The following CELF5 variants were observed in gnomAD, a reference collection of about 807,000 sequenced individuals.
CELF5 encodes the protein CUGBP Elav-like family member 5.
Under a neutral mutation model 54.9 loss-of-function variants are expected in CELF5, and 6 were observed. The ratio of observed to expected loss-of-function variants is 0.11; its 90% CI spans 0.06 to 0.22. The LOEUF is 0.22. Ranked by LOEUF, CELF5 falls within the 10% of genes least tolerant of loss-of-function variation. The pLI, the probability that CELF5 is intolerant of heterozygous loss-of-function variation, is 1.00. For synonymous variants in CELF5, 271 were observed against 290.9 expected (o/e 0.93, Z 0.70); for missense variants, 401 against 678.6 (o/e 0.59, Z 4.54).
chr19:3,293,564 T>A, intron 12 of CELF5, 78 bp downstream of exon 12: 1 of 1,208,796 alleles, frequency 8.3e-7, no homozygotes, highest in Non-Finnish European at 1.1e-6. Context: ...CACTTCATGC[T>A]CCAAACCCTC....
chr19:3,296,058 A>AC (rs2080437149), intron 12 of CELF5: 1 of 147,612 alleles, frequency 6.8e-6, no homozygotes, highest in Non-Finnish European at 1.5e-5. Flanking sequence ...CTCTACAGAG[A>AC]TTTTTTTTTT....
chr19:3,266,867 C>T (rs2079889577), intron 2 of CELF5, among the ~76,000 whole-genome samples: 1 of 152,208 alleles, frequency 6.6e-6, no homozygotes, highest in South Asian at 2.1e-4. Context: ...CTCATCTGAG[C>T]TCCTGCTGAC....
At chr19:3,284,753 G>T in intron 8 of CELF5, 149 bp from the exon 9 acceptor site, 1 of 678,482 alleles carries the variant, frequency 1.5e-6, no homozygotes, top group South Asian at 1.8e-5. Flanking sequence ...CACCTTCCTC[G>T]GCCTCAGCTT....
At chr19:3,273,810 AC>A (rs143017435) in intron 2 of CELF5, 61 bp from the exon 3 acceptor site, 81 of 1,190,014 alleles carry the variant, frequency 6.8e-5, no homozygotes, top group Non-Finnish European at 9.2e-5. Context: ...CTCAGGCAAA[AC>A]CCCCCGCCTG....
chr19:3,272,687 G>C (rs2079986639), intron 2 of CELF5, among the ~76,000 whole-genome samples: 1 of 152,212 alleles, frequency 6.6e-6, no homozygotes, highest in Non-Finnish European at 1.5e-5. Flanking sequence ...TGTCTGGAGA[G>C]AGACAGAGCA....
chr19:3,228,994 G>A lies in CELF5; in HGVS notation c.259+3996G>A, dbSNP rs8182494. Among the ~76,000 whole-genome samples the A allele has an allele frequency of 6.6e-6, 1 of 151,342 alleles. No homozygotes were observed. The highest frequency in any genetic ancestry group is 6.6e-5 in the Admixed American group (1 of 15,190). On this transcript the variant is annotated intron_variant, in intron 1 of 12. Coordinates refer to ENST00000292672, the MANE Select transcript of CELF5 (RefSeq NM_021938.4). The surrounding 1 kb of genome is among the most constrained non-coding windows in gnomAD (Gnocchi z 6.0). Reference sequence around the variant, plus strand: ...CTGAGCGCGCCCCTCTCTGTGCCTCGTTTTCCCCTGCTGCATATTCTCTCC... The same window carrying A: ...CTGAGCGCGCCCCTCTCTGTGCCTCATTTTCCCCTGCTGCATATTCTCTCC...
At chr19:3,235,129 G>A (rs1917471867) in intron 1 of CELF5, among the ~76,000 whole-genome samples, 1 of 152,138 alleles carries the variant, frequency 6.6e-6, no homozygotes, top group Non-Finnish European at 1.5e-5. Flanking sequence ...AACAGGCAAG[G>A]CGTGGTCCTA....
intron 1 of CELF5, 92 bp from the exon 2 acceptor site, chr19:3,250,888 CTTGGG>C: frequency 1.8e-6 from 1 of 567,382 alleles, no homozygotes; most frequent in South Asian, 3.3e-5. Flanking sequence ...TGGATGGAAG[CTTGGG>C]TTGCTTCCAC....
At chr19:3,236,427 A>G (rs1476665739) in intron 1 of CELF5, among the ~76,000 whole-genome samples, 1 of 152,180 alleles carries the variant, frequency 6.6e-6, no homozygotes, top group Admixed American at 6.5e-5. Context: ...CACAGCAGAA[A>G]GGTACTGAGC....
intron 8 of CELF5, among the ~76,000 whole-genome samples, chr19:3,283,881 G>C (rs2080191259): frequency 6.6e-6 from 1 of 151,956 alleles, no homozygotes; most frequent in Admixed American, 6.6e-5. Flanking sequence ...GGAGTGCAGT[G>C]GCGTGATCAT....
chr19:3,251,652 C>CCTTTTTT (rs1325713330), intron 2 of CELF5, among the ~76,000 whole-genome samples: 1 of 67,110 alleles, frequency 1.5e-5, no homozygotes, highest in African/African-American at 4.4e-5. Context: ...ACAAGGGCTT[C>CCTTTTTT]TTTTTTTTTT....
intron 2 of CELF5, among the ~76,000 whole-genome samples, chr19:3,258,416 C>A (rs1051096348): frequency 2.7e-5 from 4 of 150,590 alleles, no homozygotes; most frequent in Admixed American, 6.6e-5. Flanking sequence ...GCCACTGCGC[C>A]CGGCCTGTGT....
Position 3,278,189 on chromosome 19 carries a change from C to T in CELF5, c.603+79C>T. ...GGACAGGGATGAAACAGGCCATATT[C>T]CTACCGTCGCTGTCATCCGGTAGCC... On this transcript the variant is annotated intron_variant, in intron 5 of 12. Transcript: ENST00000292672. This position sits in a 1 kb window ranked among gnomAD's most constrained non-coding sequence, Gnocchi z 4.5. 1 of 999,198 alleles carries T rather than the reference C, an allele frequency of 1.0e-6. No homozygotes were observed. The allele number at this position is 999,198 out of a possible 1,614,324, so 61.9% of individuals were successfully genotyped here. A position where few individuals can be genotyped will look rare whatever the true frequency, so the allele number is the denominator to read the frequency against.
chr19:3,246,854 C>A (rs557613527), intron 1 of CELF5, among the ~76,000 whole-genome samples: 30 of 152,256 alleles, frequency 2.0e-4, no homozygotes, highest in African/African-American at 7.0e-4. Flanking sequence ...TACCCAGAAA[C>A]AAAAAGGAAC....
chr19:3,289,898 C>T (rs2080314841), intron 10 of CELF5, among the ~76,000 whole-genome samples: 1 of 152,038 alleles, frequency 6.6e-6, no homozygotes, highest in East Asian at 1.9e-4. Flanking sequence ...GGGTGGCCTT[C>T]CTCGGGGTTT....
intron 1 of CELF5, among the ~76,000 whole-genome samples, chr19:3,239,185 G>A (rs11085006): frequency 6.6e-6 from 1 of 151,846 alleles, no homozygotes; most frequent in South Asian, 2.1e-4. Context: ...CTGCAGCCTC[G>A]ACCTCCCAGG....
chr19:3,290,778 G>A (rs1268011263), intron 11 of CELF5, among the ~76,000 whole-genome samples: 1 of 150,696 alleles, frequency 6.6e-6, no homozygotes, highest in African/African-American at 2.4e-5. Context: ...GTGTTAGCCA[G>A]GAAGGTCTCC....
intron 1 of CELF5, among the ~76,000 whole-genome samples, chr19:3,241,329 C>T (rs2079488070): frequency 6.6e-6 from 1 of 151,640 alleles, no homozygotes; most frequent in African/African-American, 2.4e-5. Context: ...GATCCACCCG[C>T]CTCTGCCTCC....
At chr19:3,258,561 T>C (rs1289529546) in intron 2 of CELF5, among the ~76,000 whole-genome samples, 2 of 152,200 alleles carry the variant, frequency 1.3e-5, no homozygotes, top group Non-Finnish European at 2.9e-5. Context: ...AATAAGGGCA[T>C]ATCCACAGAT....
Sources: allele counts gnomAD v4.1 joint callset (sites outside exome capture counted in the v4.1 genomes callset), GRCh38; gene constraint gnomAD v4.1.1; non-coding constraint Gnocchi (gnomAD v3.1); transcripts MANE v1.5; gene names NCBI Gene and HGNC (gene_info 2026-07-23, HGNC 2026-07-21).